CHN2: variants seen among roughly 807,000 people sequenced by gnomAD.
The protein encoded by CHN2 is beta-chimaerin.
Under a neutral mutation model 56.3 loss-of-function variants are expected in CHN2, and 35 were observed. The ratio of observed to expected loss-of-function variants is 0.62; its 90% confidence interval spans 0.47 to 0.82. CHN2 has a LOEUF of 0.82. CHN2 is among the 40% of genes least tolerant of loss of function. CHN2 has a pLI of 0.00. For synonymous variants in CHN2, 210 were observed against 212.8 expected (o/e 0.99, Z 0.12); for missense variants, 491 against 580.5 (o/e 0.85, Z 1.58).
chr7:29,382,271 CT>C (rs1562563634), intron 3 of CHN2, among the ~76,000 whole-genome samples: 1 of 152,148 alleles, frequency 6.6e-6, no homozygotes, highest in Non-Finnish European at 1.5e-5. Flanking sequence ...ATCTGGGTGG[CT>C]TATGTTGGTT....
intron 1 of CHN2, among the ~76,000 whole-genome samples, chr7:29,234,294 G>A (rs1182357944): frequency 1.3e-5 from 2 of 152,166 alleles, no homozygotes; most frequent in East Asian, 3.8e-4. Flanking sequence ...AGTTGTTTGA[G>A]ATCATGACAC....
chr7:29,451,005 G>A (rs1201435201), intron 6 of CHN2, among the ~76,000 whole-genome samples: 3 of 151,946 alleles, frequency 2.0e-5, no homozygotes, highest in South Asian at 2.1e-4. Context: ...TCCTGACCTC[G>A]TGATCTACCC....
chr7:29,235,139 G>T (rs1168131646), intron 1 of CHN2, among the ~76,000 whole-genome samples: 1 of 151,966 alleles, frequency 6.6e-6, no homozygotes, highest in Non-Finnish European at 1.5e-5. Context: ...CCATGCATCC[G>T]ACAAAGGTCT....
chr7:29,229,753 A>G (rs1786518437), intron 1 of CHN2, among the ~76,000 whole-genome samples: 1 of 152,174 alleles, frequency 6.6e-6, no homozygotes, highest in African/African-American at 2.4e-5. Flanking sequence ...GAGGGCGGGA[A>G]GATTGTTTGA....
intron 1 of CHN2, among the ~76,000 whole-genome samples, chr7:29,290,307 A>G (rs1792496794): frequency 6.6e-6 from 1 of 152,242 alleles, no homozygotes; most frequent in African/African-American, 2.4e-5. Context: ...AAAGGAACCC[A>G]GCACTGTGGC....
intron 12 of CHN2, 73 bp downstream of exon 12, chr7:29,509,479 A>G: frequency 8.7e-7 from 1 of 1,147,406 alleles, no homozygotes; most frequent in Non-Finnish European, 1.3e-6. Context: ...AGTGGACGGC[A>G]TTCCTCCCCA....
chr7:29,448,449 T>C (rs865927373), intron 6 of CHN2, among the ~76,000 whole-genome samples: 9 of 152,150 alleles, frequency 5.9e-5, no homozygotes, highest in African/African-American at 1.7e-4. Context: ...TAGTTTTTAC[T>C]TTTAGTTTAT....
chr7:29,440,669 A>G (rs1230038071), intron 6 of CHN2, among the ~76,000 whole-genome samples: 3 of 148,702 alleles, frequency 2.0e-5, no homozygotes, highest in Admixed American at 6.7e-5. Context: ...TGGGCAACAC[A>G]ATGAGACTCC....
intron 2 of CHN2, among the ~76,000 whole-genome samples, chr7:29,152,449 C>T (rs1430751331): frequency 1.3e-5 from 2 of 152,158 alleles, no homozygotes; most frequent in African/African-American, 4.8e-5. Context: ...TTGCTTTCCT[C>T]ATTTGAAAAT....
intron 6 of CHN2, among the ~76,000 whole-genome samples, chr7:29,409,108 G>T (rs187163526): frequency 1.3e-5 from 2 of 152,302 alleles, no homozygotes; most frequent in East Asian, 1.9e-4. Flanking sequence ...GTGGCTTGGG[G>T]TGTCTGTTCT....
intron 2 of CHN2, among the ~76,000 whole-genome samples, chr7:29,174,390 G>A (rs1302015146): frequency 6.6e-6 from 1 of 152,186 alleles, no homozygotes; most frequent in Non-Finnish European, 1.5e-5. Context: ...AGCTTTTCGA[G>A]GCCTGGAGGC....
intron 1 of CHN2, 51 bp from the exon 2 acceptor site, chr7:29,354,574 C>A: frequency 1.3e-6 from 2 of 1,531,732 alleles, no homozygotes; most frequent in Non-Finnish European, 1.8e-6. Flanking sequence ...CACATGTTGA[C>A]AGCTTGACGT....
chr7:29,509,960 C>A (rs1791107524), intron 12 of CHN2, among the ~76,000 whole-genome samples: 1 of 152,058 alleles, frequency 6.6e-6, no homozygotes, highest in Admixed American at 6.5e-5. Flanking sequence ...AGGCAGGATC[C>A]CAGGCAGGCT....
At chr7:29,184,016 G>C (rs571248845) in intron 2 of CHN2, among the ~76,000 whole-genome samples, 1 of 152,008 alleles carries the variant, frequency 6.6e-6, no homozygotes, top group Non-Finnish European at 1.5e-5. Context: ...GCTATGCATA[G>C]GTTATCTGCA....
intron 6 of CHN2, among the ~76,000 whole-genome samples, chr7:29,437,531 G>C (rs1783324140): frequency 3.5e-5 from 3 of 85,840 alleles, no homozygotes; most frequent in African/African-American, 1.4e-4. Flanking sequence ...CTGGGAGGCG[G>C]AGCTTGCAGT....
chr7:29,382,385 T>A (rs1263534866), intron 3 of CHN2, among the ~76,000 whole-genome samples: 1 of 152,164 alleles, frequency 6.6e-6, no homozygotes, highest in Non-Finnish European at 1.5e-5. Flanking sequence ...CTCTGGAGAT[T>A]CAGAAAGCAG....
intron 1 of CHN2, among the ~76,000 whole-genome samples, chr7:29,260,564 A>T (rs1789454662): frequency 6.6e-6 from 1 of 152,022 alleles, no homozygotes. Context: ...AAGGTGCAGA[A>T]AAAGTGCCCA....
chr7:29,225,784 A>G (rs983454900), intron 1 of CHN2, among the ~76,000 whole-genome samples: 4 of 152,174 alleles, frequency 2.6e-5, no homozygotes, highest in Non-Finnish European at 1.5e-5. Flanking sequence ...ACTGGAAAAG[A>G]TGCCTTGCCT....
chr7:29,451,237 A>G (rs1784382021), intron 6 of CHN2, among the ~76,000 whole-genome samples: 1 of 152,200 alleles, frequency 6.6e-6, no homozygotes, highest in Non-Finnish European at 1.5e-5. Context: ...GATGCTGAGA[A>G]CAGTGCCCAG....
Sources: gnomAD v4.1 joint callset for allele counts (sites outside exome capture counted in the v4.1 genomes callset) on GRCh38, gnomAD v4.1.1 for gene constraint, MANE v1.5 for transcripts, NCBI Gene and HGNC (gene_info 2026-07-23, HGNC 2026-07-21) for gene names.